The following RGS22 variants were observed in gnomAD, a reference collection of about 807,000 sequenced individuals.
RGS22 encodes the protein regulator of G protein signaling 22.
A neutral mutation model predicts 172.9 loss-of-function variants in RGS22; 148 were observed. That is an observed-to-expected ratio of 0.86 (90% CI 0.75 to 0.98). The LOEUF (loss-of-function observed/expected upper bound fraction) is 0.98, where lower values mean the gene tolerates loss of function less well. RGS22 is among the 50% of genes least tolerant of loss of function. The pLI is 0.00. For missense variants in RGS22, 1,347 were observed against 1,440.8 expected (o/e 0.93, Z 1.05); for synonymous variants, 458 against 480.2 (o/e 0.95, Z 0.60).
intron 4 of RGS22, among the ~76,000 whole-genome samples, chr8:100,079,339 AT>A (rs1383927032): frequency 6.6e-6 from 1 of 152,200 alleles, no homozygotes; most frequent in Non-Finnish European, 1.5e-5. Flanking sequence ...AACTATTAGC[AT>A]TTAGTTTGAT....
intron 23 of RGS22, among the ~76,000 whole-genome samples, chr8:99,972,662 C>T (rs1811489468): frequency 6.6e-6 from 1 of 152,136 alleles, no homozygotes; most frequent in Non-Finnish European, 1.5e-5. Flanking sequence ...AGTTAATCAA[C>T]ACTGGTCATT....
At chr8:100,074,845 G>GC (rs1295909299) in intron 4 of RGS22, among the ~76,000 whole-genome samples, 1 of 151,942 alleles carries the variant, frequency 6.6e-6, no homozygotes, top group African/African-American at 2.4e-5. Context: ...TCGGCTCACT[G>GC]CAAGTTCTGC....
chr8:100,046,190 C>T (rs1820697535), intron 11 of RGS22: 1 of 152,040 alleles, frequency 6.6e-6, no homozygotes, highest in African/African-American at 2.4e-5. Context: ...AAGAATAAAA[C>T]AATTTCAGTA....
intron 18 of RGS22, among the ~76,000 whole-genome samples, chr8:100,000,663 T>C (rs1814941675): frequency 6.6e-6 from 1 of 152,188 alleles, no homozygotes; most frequent in Admixed American, 6.6e-5. Flanking sequence ...TAGCATGAGA[T>C]ACCATGAAAC....
Position 100,038,999 on chromosome 8 carries a change from G to A in RGS22, c.2098C>T (p.Leu700=), listed in dbSNP as rs1819809517. The change falls in exon 14 of 28, where the codon CTG becomes TTG. Residue 700 remains leucine, a synonymous_variant. Coordinates refer to ENST00000360863, the MANE Select transcript of RGS22 (RefSeq NM_015668.5). ...TAGAAAAGCTGATGATAAGCCTGCA[G>A]GTCAAACCAAAAGTACACACTGTTC... ...WKNSVYFWFD[L]QAYHQLFYQE... 1.2e-6 allele frequency: 2 copies of A among 1,611,940 alleles called. No individual in the cohort carries two copies. Among genetic ancestry groups the A allele is most frequent in the Non-Finnish European group, 8.5e-7 (1 of 1,178,812 alleles).
intron 10 of RGS22, among the ~76,000 whole-genome samples, chr8:100,050,354 T>C (rs1821151116): frequency 6.6e-6 from 1 of 152,136 alleles, no homozygotes; most frequent in South Asian, 2.1e-4. Context: ...CCATTCCAGA[T>C]CAATTAAATC....
chr8:100,041,255 G>A lies in RGS22; in HGVS notation c.1938+547C>T, dbSNP rs796787860. 1.1e-4 allele frequency among the ~76,000 whole-genome samples: 17 copies of A among 152,214 alleles called. 1 individual carries two copies. The highest frequency in any genetic ancestry group is 3.4e-4 in the African/African-American group (14 of 41,546). On this transcript the variant is annotated intron_variant, in intron 12 of 27. Transcript: ENST00000360863. ...TGTAATCCCAGCACTTTGGAAGGGCGAGACAGGCGGATTGCCTGAGGTCAG... is the reference window on the plus strand; with the variant it reads ...TGTAATCCCAGCACTTTGGAAGGGCAAGACAGGCGGATTGCCTGAGGTCAG...
At chr8:100,051,765 A>G (rs1309809435) in intron 10 of RGS22, among the ~76,000 whole-genome samples, 2 of 84,486 alleles carry the variant, frequency 2.4e-5, no homozygotes, top group Non-Finnish European at 4.1e-5. Flanking sequence ...ATTTATATAT[A>G]AATGTTTATA....
At chr8:100,046,804 C>T (rs1452940961) in intron 11 of RGS22, among the ~76,000 whole-genome samples, 1 of 151,438 alleles carries the variant, frequency 6.6e-6, no homozygotes, top group African/African-American at 2.4e-5. Flanking sequence ...GTAAACCCTT[C>T]ATACCGTTTT....
intron 9 of RGS22, among the ~76,000 whole-genome samples, chr8:100,057,821 C>T (rs888410493): frequency 1.3e-5 from 2 of 152,112 alleles, no homozygotes; most frequent in South Asian, 2.1e-4. Context: ...AGAACATCTA[C>T]TAGCTCAACA....
intron 14 of RGS22, among the ~76,000 whole-genome samples, chr8:100,009,245 C>T (rs1816085045): frequency 1.3e-5 from 2 of 151,964 alleles, no homozygotes; most frequent in Non-Finnish European, 2.9e-5. Context: ...TGGTGAACCC[C>T]CATCTCTACT....
In RGS22 at chr8:100,041,927, A is replaced by C; in HGVS notation, c.1824-11T>G. ...GACATGTACTTTGACCTAAATTATA[A>C]GGATGAGAACTAAAATTATAAGAAT... On this transcript the variant is annotated splice_polypyrimidine_tract_variant and intron_variant, in intron 11 of 27. Coordinates refer to ENST00000360863, the MANE Select transcript of RGS22 (RefSeq NM_015668.5). The C allele has an allele frequency of 6.5e-7, 1 of 1,538,484 alleles. No homozygotes were observed. Among genetic ancestry groups the C allele is most frequent in the Non-Finnish European group, 9.0e-7 (1 of 1,113,794 alleles).
rs546863532 is a variant in RGS22 at position 100,103,950 on chromosome 8, A to C, written c.54+1424T>G. On this transcript the variant is annotated intron_variant, in intron 2 of 27. Coordinates refer to ENST00000360863, the MANE Select transcript of RGS22 (RefSeq NM_015668.5). ...TGGGAAAAGATTTGCTGGCTTCAGA[A>C]ATGCTCACCTCCTGCTGGAACTAAG... Among the ~76,000 whole-genome samples, 8 of 152,276 alleles carry C rather than the reference A, an allele frequency of 5.3e-5. No homozygotes were observed. The South Asian group carries it at 1.7e-3, about 32-fold the overall frequency.
intron 2 of RGS22, among the ~76,000 whole-genome samples, chr8:100,101,557 T>C (rs2132057696): frequency 6.6e-6 from 1 of 151,042 alleles, no homozygotes; most frequent in Non-Finnish European, 1.5e-5. Flanking sequence ...CCTCCCAAAG[T>C]GCTGAGATTA....
chr8:99,971,001 C>T (rs935501450), intron 23 of RGS22, among the ~76,000 whole-genome samples: 1 of 152,160 alleles, frequency 6.6e-6, no homozygotes, highest in East Asian at 1.9e-4. Context: ...AAACTGAATC[C>T]AGCAGTACAT....
At chr8:100,049,298 G>C (rs1821039376) in intron 10 of RGS22, among the ~76,000 whole-genome samples, 1 of 152,132 alleles carries the variant, frequency 6.6e-6, no homozygotes, top group Non-Finnish European at 1.5e-5. Context: ...CTGTATATAA[G>C]TTATACCTTA....
intron 14 of RGS22, among the ~76,000 whole-genome samples, chr8:100,021,247 C>T (rs1817573784): frequency 6.6e-6 from 1 of 152,102 alleles, no homozygotes; most frequent in Non-Finnish European, 1.5e-5. Context: ...CTCTGTTTAA[C>T]AGACATCCAT....
intron 2 of RGS22, among the ~76,000 whole-genome samples, chr8:100,100,244 T>C (rs565489355): frequency 4.6e-5 from 7 of 152,282 alleles, no homozygotes; most frequent in Non-Finnish European, 8.8e-5. Context: ...GTAAATGTTA[T>C]GTAAATGGTT....
chr8:100,086,686 T>G (rs904519906), intron 3 of RGS22, among the ~76,000 whole-genome samples: 1 of 151,984 alleles, frequency 6.6e-6, no homozygotes. Context: ...AACCTGCACA[T>G]GTACACCCCT....
Sources: allele counts gnomAD v4.1 joint callset (sites outside exome capture counted in the v4.1 genomes callset), GRCh38; gene constraint gnomAD v4.1.1; transcripts MANE v1.5; gene names NCBI Gene and HGNC (gene_info 2026-07-23, HGNC 2026-07-21).